Variants in NOL4 observed in about 807,000 individuals in gnomAD.
NOL4 encodes cancer/testis antigen 125.
NOL4 carries 17 observed loss-of-function variants against 75.9 expected under a neutral mutation model. The observed-to-expected ratio is 0.22, with a 90% CI of 0.15 to 0.34. The LOEUF (loss-of-function observed/expected upper bound fraction) is 0.34, where lower values mean the gene tolerates loss of function less well. Among genes scored for constraint, NOL4 ranks in the 10% least tolerant of loss-of-function variants. The pLI is 1.00. For missense variants in NOL4, 614 were observed against 793.5 expected (o/e 0.77, Z 2.72); for synonymous variants, 292 against 289.9 (o/e 1.01, Z -0.07).
chr18:34,173,871 A>C (rs575497611), intron 1 of NOL4, among the ~76,000 whole-genome samples: 1 of 152,344 alleles, frequency 6.6e-6, no homozygotes, highest in South Asian at 2.1e-4. Flanking sequence ...TCTGAACATG[A>C]GTGATATGTT....
At chr18:33,911,830 T>G (rs1237597979) in intron 9 of NOL4, among the ~76,000 whole-genome samples, 1 of 152,156 alleles carries the variant, frequency 6.6e-6, no homozygotes, top group Non-Finnish European at 1.5e-5. Context: ...TGTATAGCTT[T>G]CAGCTTGAAT....
At chr18:34,218,851 C>G (rs1321636587) in intron 1 of NOL4, among the ~76,000 whole-genome samples, 1 of 152,144 alleles carries the variant, frequency 6.6e-6, no homozygotes. Context: ...GATTCCAGAT[C>G]AAGGCCTAAT....
intron 1 of NOL4, among the ~76,000 whole-genome samples, chr18:34,143,440 G>T (rs1284020612): frequency 1.3e-5 from 2 of 152,182 alleles, no homozygotes; most frequent in East Asian, 3.9e-4. Context: ...CTATGGTTTT[G>T]ATTGAACTAT....
chr18:33,858,182 G>C (rs78454227), intron 10 of NOL4, among the ~76,000 whole-genome samples: 3,218 of 152,022 alleles, frequency 0.021, 53 homozygotes, highest in Middle Eastern at 0.051. Flanking sequence ...TCTTAAGAAG[G>C]CTTATTTTTC....
chr18:34,098,099 C>T (rs978890287), intron 4 of NOL4, among the ~76,000 whole-genome samples: 1 of 152,046 alleles, frequency 6.6e-6, no homozygotes, highest in Non-Finnish European at 1.5e-5. Flanking sequence ...CCAAAGATGG[C>T]TACCATGGAT....
intron 5 of NOL4, among the ~76,000 whole-genome samples, chr18:34,032,493 C>CT (rs2075687126): frequency 6.6e-6 from 1 of 152,176 alleles, no homozygotes; most frequent in South Asian, 2.1e-4. Context: ...AACACTCCTC[C>CT]TGGGGCCTGA....
intron 1 of NOL4, among the ~76,000 whole-genome samples, chr18:34,149,203 C>T (rs1281293095): frequency 6.6e-6 from 1 of 151,520 alleles, no homozygotes; most frequent in Non-Finnish European, 1.5e-5. Flanking sequence ...TAGGTTGAGA[C>T]ATGCTAATAT....
intron 1 of NOL4, among the ~76,000 whole-genome samples, chr18:34,167,031 C>A (rs1404230213): frequency 9.6e-5 from 2 of 20,760 alleles, no homozygotes; most frequent in African/African-American, 3.2e-4. Context: ...GGCGACAGAG[C>A]GAGACTCCGT....
At chr18:34,158,645 T>G (rs1280075487) in intron 1 of NOL4, 1 of 151,234 alleles carries the variant, frequency 6.6e-6, no homozygotes, top group African/African-American at 2.5e-5. Flanking sequence ...AAGTGTTTAT[T>G]TCAGGGGTGC....
chr18:34,063,153 G>A (rs924442222), intron 5 of NOL4, among the ~76,000 whole-genome samples: 1 of 152,042 alleles, frequency 6.6e-6, no homozygotes, highest in Non-Finnish European at 1.5e-5. Context: ...CCCAAATGAA[G>A]TAAATGGAGA....
At chr18:33,934,368 C>T (rs924046479) in intron 9 of NOL4, among the ~76,000 whole-genome samples, 3 of 152,116 alleles carry the variant, frequency 2.0e-5, no homozygotes, top group Non-Finnish European at 4.4e-5. Flanking sequence ...TAGCCCCTAA[C>T]AGTAGAGCAG....
chr18:34,175,093 T>C (rs1481472980), intron 1 of NOL4, among the ~76,000 whole-genome samples: 1 of 152,194 alleles, frequency 6.6e-6, no homozygotes, highest in African/African-American at 2.4e-5. Context: ...GCACTTTACA[T>C]GTTTTTTACA....
At chr18:34,048,597 C>T in intron 5 of NOL4, 1 of 985,384 alleles carries the variant, frequency 1.0e-6, no homozygotes. Context: ...ACAGTAAGAG[C>T]TAATCTTTCC....
At chr18:33,884,022 T>C (rs2064479359) in intron 9 of NOL4, among the ~76,000 whole-genome samples, 1 of 152,238 alleles carries the variant, frequency 6.6e-6, no homozygotes, top group African/African-American at 2.4e-5. Flanking sequence ...GGGTTGGTTC[T>C]GAGCACTACT....
rs58940650 is a variant in NOL4 at position 34,099,362 on chromosome 18, C to CAAAAAAAA, written c.639+4677_639+4684dup. ...TAGGCAACAGAGTGAGACTTTGTCT[C>CAAAAAAAA]AAAAAAAAAAAAAAAGACAACTACG... On this transcript the variant is annotated intron_variant, in intron 4 of 10. Transcript: ENST00000261592. Among the ~76,000 whole-genome samples, 47 of 80,026 alleles carry CAAAAAAAA rather than the reference C, an allele frequency of 5.9e-4. 1 individual carries two copies. Among genetic ancestry groups the CAAAAAAAA allele is most frequent in the African/African-American group, 1.1e-3 (22 of 19,430 alleles). The allele number at this position is 80,026 out of a possible 152,430, so 52.5% of individuals were successfully genotyped here.
chr18:33,996,784 C>A (rs1255320495), intron 6 of NOL4, among the ~76,000 whole-genome samples: 1 of 151,748 alleles, frequency 6.6e-6, no homozygotes, highest in Non-Finnish European at 1.5e-5. Context: ...CATGTATGTA[C>A]AATATTTTCT....
At chr18:34,035,449 G>T (rs1175967966) in intron 5 of NOL4, among the ~76,000 whole-genome samples, 1 of 151,872 alleles carries the variant, frequency 6.6e-6, no homozygotes, top group Non-Finnish European at 1.5e-5. Context: ...AAAACTCATG[G>T]TACATAGCAA....
intron 10 of NOL4, among the ~76,000 whole-genome samples, chr18:33,881,431 C>T (rs1174165621): frequency 6.6e-6 from 1 of 150,916 alleles, no homozygotes; most frequent in Non-Finnish European, 1.5e-5. Context: ...AGAGGGCATC[C>T]CTGTCTTGTG....
intron 9 of NOL4, among the ~76,000 whole-genome samples, chr18:33,886,920 ATATATATC>A (rs201554518): frequency 0.017 from 2,006 of 118,110 alleles, 29 homozygotes; most frequent in African/African-American, 0.022. Context: ...ATCTATATAC[ATATATATC>A]TATATATCTA....
Sources: allele counts gnomAD v4.1 joint callset (sites outside exome capture counted in the v4.1 genomes callset), GRCh38; gene constraint gnomAD v4.1.1; transcripts MANE v1.5; gene names NCBI Gene and HGNC (gene_info 2026-07-23, HGNC 2026-07-21).